GOLM2: variants seen among roughly 807,000 people sequenced by gnomAD.
GOLM2 encodes the protein protein GOLM2.
In GOLM2, 26 loss-of-function variants were observed where a neutral mutation model predicts 55.9. The observed-to-expected ratio is 0.47, with a 90% CI of 0.34 to 0.65. GOLM2 has a LOEUF of 0.65. GOLM2 is among the 30% of genes least tolerant of loss of function. GOLM2 has a pLI of 0.01. For missense variants in GOLM2, 486 were observed against 531.8 expected, an observed-to-expected ratio of 0.91 and a Z score of 0.85; for synonymous variants, 165 against 194.6, an observed-to-expected ratio of 0.85 and a Z score of 1.27.
chr15:44,369,087 A>ATATATT (rs2079308902), intron 6 of GOLM2, among the ~76,000 whole-genome samples: 2 of 79,380 alleles, frequency 2.5e-5, no homozygotes, highest in Non-Finnish European at 5.2e-5. Context: ...ATATATATAT[A>ATATATT]TATATATATA....
chr15:44,330,269 T>G (rs2079013951), intron 3 of GOLM2, among the ~76,000 whole-genome samples: 1 of 146,380 alleles, frequency 6.8e-6, no homozygotes, highest in Admixed American at 6.8e-5. Flanking sequence ...TCCCAACACT[T>G]TGGGAGGCTG....
rs1468268256 is a variant in GOLM2, at chr15:44,331,978, T to G, written c.486-10T>G. ...ATAATATAATCTAAAAGAATGACTT[T>G]GTAATTTAGTTTTCAGTGTGGACAG... On this transcript the variant is annotated splice_polypyrimidine_tract_variant and intron_variant, in intron 3 of 9. Transcript: ENST00000299957. The G allele has an allele frequency of 5.1e-6, 8 of 1,565,734 alleles. No individual in the cohort carries two copies. Among genetic ancestry groups the G allele is most frequent in the Non-Finnish European group, 7.0e-6 (8 of 1,139,394 alleles).
At chr15:44,387,136 T>C (rs769557157) in intron 8 of GOLM2, among the ~76,000 whole-genome samples, 13 of 150,828 alleles carry the variant, frequency 8.6e-5, no homozygotes, top group South Asian at 6.3e-4. Context: ...GATTCTGAGA[T>C]TGTGCCATTG....
chr15:44,378,968 A>G (rs1389378807), intron 6 of GOLM2, among the ~76,000 whole-genome samples: 1 of 152,020 alleles, frequency 6.6e-6, no homozygotes, highest in Non-Finnish European at 1.5e-5. Context: ...GCTGATCTTG[A>G]ACTCCTGACC....
At chr15:44,411,602 G>A (rs943649770) in intron 9 of GOLM2, among the ~76,000 whole-genome samples, 2 of 152,108 alleles carry the variant, frequency 1.3e-5, no homozygotes, top group African/African-American at 2.4e-5. Context: ...AGTACTTTGG[G>A]TGGCTGAGGC....
chr15:44,332,825 G>T (rs1012860771), intron 4 of GOLM2, among the ~76,000 whole-genome samples: 1 of 151,300 alleles, frequency 6.6e-6, no homozygotes, highest in African/African-American at 2.4e-5. Flanking sequence ...TACTTTTTTT[G>T]GGGGGGGCAA....
intron 8 of GOLM2, among the ~76,000 whole-genome samples, chr15:44,400,391 G>T (rs1219159160): frequency 2.0e-5 from 3 of 150,458 alleles, no homozygotes; most frequent in African/African-American, 7.3e-5. Context: ...CAATCTCAGT[G>T]AGCCGCAACC....
At chr15:44,398,329 A>G (rs1452420784) in intron 8 of GOLM2, among the ~76,000 whole-genome samples, 1 of 152,214 alleles carries the variant, frequency 6.6e-6, no homozygotes, top group African/African-American at 2.4e-5. Context: ...TTTTTGAGGC[A>G]GAGTCTCATC....
intron 8 of GOLM2, 54 bp downstream of exon 8, chr15:44,381,030 G>T (rs568484817): frequency 9.0e-7 from 1 of 1,114,360 alleles, no homozygotes; most frequent in South Asian, 2.4e-5. Context: ...AATGTAATAT[G>T]AATTAAGGTC....
intron 2 of GOLM2, among the ~76,000 whole-genome samples, 195 bp from the exon 3 acceptor site, chr15:44,328,482 AAATAAATG>A (rs1457878496): frequency 2.6e-5 from 4 of 152,224 alleles, no homozygotes; most frequent in Admixed American, 1.3e-4. Context: ...TATCTCAAAT[AAATAAATG>A]AATAAATTTT....
At chr15:44,331,508 A>G (rs1174507706) in intron 3 of GOLM2, among the ~76,000 whole-genome samples, 1 of 152,058 alleles carries the variant, frequency 6.6e-6, no homozygotes, top group African/African-American at 2.4e-5. Context: ...CTTCTTTATT[A>G]GTTTCTTTCG....
At chr15:44,401,313 G>A (rs1420847949) in intron 8 of GOLM2, among the ~76,000 whole-genome samples, 7 of 151,890 alleles carry the variant, frequency 4.6e-5, no homozygotes, top group African/African-American at 1.7e-4. Context: ...CACCCAGGCT[G>A]AAGTACAGTG....
At chr15:44,359,235 T>G (rs2079218994) in intron 6 of GOLM2, among the ~76,000 whole-genome samples, 1 of 151,804 alleles carries the variant, frequency 6.6e-6, no homozygotes, top group South Asian at 2.1e-4. Context: ...GGAGAAAAAT[T>G]TTGTAAAAGA....
chr15:44,291,350 T>C (rs540304845), intron 1 of GOLM2, among the ~76,000 whole-genome samples: 143 of 152,224 alleles, frequency 9.4e-4, no homozygotes, highest in African/African-American at 3.4e-3. Context: ...CTGTTCTCAG[T>C]AAAGGAAAAA....
chr15:44,352,876 A>T (rs892614525), intron 6 of GOLM2, among the ~76,000 whole-genome samples: 1 of 151,670 alleles, frequency 6.6e-6, no homozygotes, highest in Non-Finnish European at 1.5e-5. Context: ...ATTTTAGTCC[A>T]GCCTGGGCAA....
intron 6 of GOLM2, among the ~76,000 whole-genome samples, chr15:44,372,332 T>C (rs1163626217): frequency 6.6e-6 from 1 of 151,036 alleles, no homozygotes; most frequent in Non-Finnish European, 1.5e-5. Flanking sequence ...AGGCACTGGA[T>C]CATGAAGTCC....
At chr15:44,329,916 T>C (rs2079010500) in intron 3 of GOLM2, among the ~76,000 whole-genome samples, 1 of 148,826 alleles carries the variant, frequency 6.7e-6, no homozygotes, top group South Asian at 2.2e-4. Context: ...TTTTTTTTTT[T>C]TGAGATGGAG....
chr15:44,296,203 A>G (rs1210437306), intron 1 of GOLM2, among the ~76,000 whole-genome samples: 3 of 152,192 alleles, frequency 2.0e-5, no homozygotes, highest in Admixed American at 2.0e-4. Context: ...ACAGGTGTGC[A>G]CCACTGTGCT....
At chr15:44,333,058 G>A (rs963938305) in intron 4 of GOLM2, among the ~76,000 whole-genome samples, 3 of 152,096 alleles carry the variant, frequency 2.0e-5, no homozygotes, top group East Asian at 1.9e-4. Flanking sequence ...TCAGCCTCCC[G>A]AGTAGCTCGG....
Sources: gnomAD v4.1 joint callset for allele counts (sites outside exome capture counted in the v4.1 genomes callset) on GRCh38, gnomAD v4.1.1 for gene constraint, MANE v1.5 for transcripts, NCBI Gene and HGNC (gene_info 2026-07-23, HGNC 2026-07-21) for gene names.